The following SPATA1 variants were observed in gnomAD, a reference collection of about 807,000 sequenced individuals.
SPATA1 encodes spermatogenesis associated 1.
In SPATA1, 57 loss-of-function variants were observed where a neutral mutation model predicts 59.6. The observed-to-expected ratio is 0.96, with a 90% CI of 0.77 to 1.19. The LOEUF is 1.19. Among genes scored for constraint, SPATA1 ranks in the 50% most tolerant of loss-of-function variants. SPATA1 has a pLI of 0.00. For synonymous variants in SPATA1, 147 were observed against 163.9 expected (o/e 0.90, Z 0.79); for missense variants, 448 against 480.7 (o/e 0.93, Z 0.64).
intron 4 of SPATA1, among the ~76,000 whole-genome samples, chr1:84,564,960 GC>G (rs1356723776): frequency 6.6e-6 from 1 of 152,052 alleles, no homozygotes; most frequent in African/African-American, 2.4e-5. Flanking sequence ...GATCACTTAA[GC>G]CCAGGAGGTC....
At chr1:84,563,989 C>A (rs1220415714) in intron 4 of SPATA1, 1 of 508,626 alleles carries the variant, frequency 2.0e-6, no homozygotes, top group Non-Finnish European at 2.5e-6. Context: ...CCTTAAGAAC[C>A]ATAAATTCTA....
chr1:84,553,594 T>C (rs1169303303), exon 13 of SPATA1: 1 of 152,332 alleles, frequency 6.6e-6, no homozygotes, highest in Non-Finnish European at 1.5e-5. Context: ...TTCTGAGCTA[T>C]GATAGAGATA....
intron 8 of SPATA1, among the ~76,000 whole-genome samples, chr1:84,541,785 T>C (rs959166230): frequency 7.2e-5 from 11 of 152,190 alleles, no homozygotes; most frequent in Admixed American, 4.6e-4. Flanking sequence ...ATTTTATAGA[T>C]GTTCATGTTT....
chr1:84,515,753 G>T (rs1682769467), intron 1 of SPATA1, among the ~76,000 whole-genome samples: 1 of 152,120 alleles, frequency 6.6e-6, no homozygotes, highest in Non-Finnish European at 1.5e-5. Context: ...CACCTGGAAT[G>T]ATTGTTCACG....
chr1:84,551,401 G>A (rs1684267756), intron 12 of SPATA1: 1 of 589,212 alleles, frequency 1.7e-6, no homozygotes, highest in Admixed American at 6.3e-5. Flanking sequence ...TAAAAAAATA[G>A]AATTAGCACT....
chr1:84,545,232 TA>T (rs1029281354), intron 9 of SPATA1, among the ~76,000 whole-genome samples: 85 of 148,330 alleles, frequency 5.7e-4, no homozygotes, highest in African/African-American at 1.8e-3. Flanking sequence ...AATATATATA[TA>T]TTTATATATC....
intron 10 of SPATA1, among the ~76,000 whole-genome samples, chr1:84,547,671 A>G (rs1299514494): frequency 6.6e-6 from 1 of 152,166 alleles, no homozygotes; most frequent in Non-Finnish European, 1.5e-5. Flanking sequence ...ACTAAATATC[A>G]AGGTCAAGAA....
intron 4 of SPATA1, among the ~76,000 whole-genome samples, chr1:84,561,100 T>C (rs1265797750): frequency 6.6e-6 from 1 of 152,240 alleles, no homozygotes; most frequent in Non-Finnish European, 1.5e-5. Flanking sequence ...ACTCCTTTCA[T>C]GGATCTGGCC....
chr1:84,554,302 C>T (rs879286195), exon 13 of SPATA1: 4 of 152,090 alleles, frequency 2.6e-5, no homozygotes, highest in Non-Finnish European at 4.4e-5. Flanking sequence ...AAATGAGCCT[C>T]ATAAAAATAA....
chr1:84,540,659 T>C (rs1683868064), intron 8 of SPATA1, among the ~76,000 whole-genome samples: 1 of 152,204 alleles, frequency 6.6e-6, no homozygotes, highest in African/African-American at 2.4e-5. Flanking sequence ...TAACTGCCAA[T>C]TATTTTGCAA....
At chr1:84,561,703 C>A (rs1317338540) in intron 4 of SPATA1, among the ~76,000 whole-genome samples, 1 of 152,178 alleles carries the variant, frequency 6.6e-6, no homozygotes, top group African/African-American at 2.4e-5. Flanking sequence ...CAGCAACCAC[C>A]ACCCTGATCA....
intron 4 of SPATA1, 79 bp from the exon 5 acceptor site, chr1:84,525,617 C>A: frequency 8.0e-7 from 1 of 1,244,558 alleles, no homozygotes; most frequent in East Asian, 2.4e-5. Context: ...TACATGCCTT[C>A]TGCAAAAAAA....
At chr1:84,523,630 G>T (rs1683111860) in intron 4 of SPATA1, among the ~76,000 whole-genome samples, 1 of 152,096 alleles carries the variant, frequency 6.6e-6, no homozygotes, top group Admixed American at 6.6e-5. Context: ...GAAAAAATAG[G>T]CATTTTCTTC....
chr1:84,541,874 CTG>C (rs1683918399), intron 8 of SPATA1, among the ~76,000 whole-genome samples: 1 of 152,112 alleles, frequency 6.6e-6, no homozygotes, highest in African/African-American at 2.4e-5. Flanking sequence ...TGGTGGCTTA[CTG>C]TGTTTCTTAA....
At position 84,550,415 on chromosome 1, in the gene SPATA1, T is replaced by C. The variant is rs370093562; in HGVS notation, c.1126-17T>C. 9.8e-6 allele frequency: 13 copies of C among 1,330,822 alleles called. No homozygotes were observed. Among genetic ancestry groups the C allele is most frequent in the South Asian group, 4.8e-5 (3 of 63,156 alleles). 82.4% of individuals were successfully genotyped at this position (1,330,822 alleles called of 1,614,324 possible). On this transcript the variant is annotated splice_polypyrimidine_tract_variant and intron_variant, in intron 11 of 12. Transcript: ENST00000490879. ...GTTTATATGTTATACTAAATAAATA[T>C]CTATCTATCCACACAGAATTACCTA...
intron 1 of SPATA1, among the ~76,000 whole-genome samples, chr1:84,513,997 A>C (rs891152168): frequency 6.6e-6 from 1 of 151,594 alleles, no homozygotes; most frequent in South Asian, 2.1e-4. Flanking sequence ...ACACACCACC[A>C]CACCTGGCTC....
chr1:84,511,280 T>C (rs1197692144), intron 1 of SPATA1, among the ~76,000 whole-genome samples: 1 of 152,218 alleles, frequency 6.6e-6, no homozygotes, highest in Non-Finnish European at 1.5e-5. Context: ...ATACACCTAC[T>C]ACATGCCCAC....
chr1:84,560,097 AAAAGAAAGAAAGAAAG>A (rs59549626), intron 4 of SPATA1, among the ~76,000 whole-genome samples: 79 of 114,722 alleles, frequency 6.9e-4, no homozygotes, highest in Middle Eastern at 4.6e-3. Context: ...AAAAAAAAAA[AAAAGAAAGAAAGAAAG>A]AAAGAAAGAA....
At chr1:84,532,461 A>T (rs1471500666) in intron 6 of SPATA1, among the ~76,000 whole-genome samples, 3 of 151,996 alleles carry the variant, frequency 2.0e-5, no homozygotes, top group Non-Finnish European at 4.4e-5. Context: ...GCACCACTGC[A>T]CTCCAGCCTG....
Sources: allele counts gnomAD v4.1 joint callset (sites outside exome capture counted in the v4.1 genomes callset), GRCh38; gene constraint gnomAD v4.1.1; transcripts MANE v1.5; gene names NCBI Gene and HGNC (gene_info 2026-07-23, HGNC 2026-07-21).